The following NETO1 variants were observed in gnomAD, a reference collection of about 807,000 sequenced individuals.
NETO1 encodes the protein neuropilin and tolloid-like protein 1.
NETO1 carries 26 observed loss-of-function variants against 61.3 expected under a neutral mutation model. That is an observed-to-expected ratio of 0.42 (90% confidence interval 0.31 to 0.59). The LOEUF (loss-of-function observed/expected upper bound fraction) is 0.59, where lower values mean the gene tolerates loss of function less well. Ranked by LOEUF, NETO1 falls within the 20% of genes least tolerant of loss-of-function variation. The probability of loss-of-function intolerance (pLI) is 0.12; values close to 1 mark genes in which losing one functional copy is unlikely to be tolerated. For missense variants in NETO1, 531 were observed against 662.8 expected (o/e 0.80, Z 2.18); for synonymous variants, 225 against 225.8 (o/e 1.00, Z 0.03).
At chr18:72,828,321 A>G (rs2073453581) in intron 4 of NETO1, among the ~76,000 whole-genome samples, 2 of 152,194 alleles carry the variant, frequency 1.3e-5, no homozygotes, top group South Asian at 2.1e-4. Flanking sequence ...AAGAAAAAAA[A>G]AAAGCAAATC....
chr18:72,810,418 T>C (rs1209350348), intron 4 of NETO1, among the ~76,000 whole-genome samples: 3 of 152,180 alleles, frequency 2.0e-5, no homozygotes, highest in African/African-American at 7.2e-5. Context: ...AGAATGATTA[T>C]TCCTGGACCT....
chr18:72,772,767 A>C (rs1189947375), intron 7 of NETO1, among the ~76,000 whole-genome samples: 2 of 141,494 alleles, frequency 1.4e-5, no homozygotes, highest in African/African-American at 2.6e-5. Flanking sequence ...ATCTATATAT[A>C]TATATATATA....
intron 4 of NETO1, among the ~76,000 whole-genome samples, chr18:72,798,307 T>C (rs1053042789): frequency 8.5e-5 from 13 of 152,128 alleles, no homozygotes; most frequent in African/African-American, 3.1e-4. Flanking sequence ...GGGTGCACGC[T>C]CCTTATGAGA....
chr18:72,862,463 C>T (rs2074602271), intron 3 of NETO1, among the ~76,000 whole-genome samples: 1 of 152,134 alleles, frequency 6.6e-6, no homozygotes. Context: ...AAACTAAACA[C>T]ATTATTTTTC....
chr18:72,819,275 T>G lies in NETO1; in HGVS notation c.470-24871A>C, dbSNP rs572424401. ...GGGAGTGCTGCCACCTATGTAATTA[T>G]TCAGGAAAACTGTACCACATTTCAT... On this transcript the variant is annotated intron_variant, in intron 4 of 10. Coordinates refer to ENST00000327305, the MANE Select transcript of NETO1 (RefSeq NM_138966.5). Among the ~76,000 whole-genome samples the G allele has an allele frequency of 3.3e-5, 5 of 152,310 alleles. 1 individual carries two copies. The highest frequency in any genetic ancestry group is 1.2e-4 in the African/African-American group (5 of 41,562).
At chr18:72,801,437 G>C (rs2072503776) in intron 4 of NETO1, among the ~76,000 whole-genome samples, 1 of 152,120 alleles carries the variant, frequency 6.6e-6, no homozygotes, top group Non-Finnish European at 1.5e-5. Flanking sequence ...ATACGGAAGA[G>C]TTTTCCAGAT....
chr18:72,772,825 C>CTCTCTCTCTCTCTA (rs1568187563), intron 7 of NETO1, among the ~76,000 whole-genome samples: 2 of 40,866 alleles, frequency 4.9e-5, no homozygotes, highest in African/African-American at 1.1e-4. Flanking sequence ...CTCTCTCTCT[C>CTCTCTCTCTCTCTA]TATATATATA....
intron 1 of NETO1, among the ~76,000 whole-genome samples, chr18:72,866,365 C>T (rs1394635767): frequency 6.6e-6 from 1 of 152,094 alleles, no homozygotes; most frequent in Non-Finnish European, 1.5e-5. Flanking sequence ...TATGCTCTAG[C>T]CAGTTCATTT....
chr18:72,787,251 G>A (rs1224406595), intron 6 of NETO1, among the ~76,000 whole-genome samples: 1 of 151,204 alleles, frequency 6.6e-6, no homozygotes, highest in Admixed American at 6.6e-5. Flanking sequence ...CAAAAAAGAT[G>A]CAATTATAAT....
At chr18:72,749,181 G>C (rs944512312) in intron 9 of NETO1, 93 bp from the exon 10 acceptor site, 1 of 793,538 alleles carries the variant, frequency 1.3e-6, no homozygotes, top group African/African-American at 1.7e-5. Context: ...TTAAAATTCA[G>C]AAAACTGTGG....
intron 7 of NETO1, among the ~76,000 whole-genome samples, chr18:72,758,856 A>C (rs1036143593): frequency 5.9e-5 from 9 of 152,092 alleles, no homozygotes; most frequent in Non-Finnish European, 1.3e-4. Context: ...CAAACAAACA[A>C]AAACAAACAA....
chr18:72,749,977 T>A, intron 9 of NETO1, 85 bp downstream of exon 9: 1 of 1,077,458 alleles, frequency 9.3e-7, no homozygotes, highest in Non-Finnish European at 1.3e-6. Context: ...GAAACTGAAA[T>A]ATGAAGACAA....
intron 4 of NETO1, among the ~76,000 whole-genome samples, chr18:72,800,430 A>T (rs1169590304): frequency 6.6e-6 from 1 of 152,122 alleles, no homozygotes; most frequent in Admixed American, 6.6e-5. Flanking sequence ...CCGAAATGAG[A>T]TCAGAGAGTA....
In NETO1 at chr18:72,867,343, G is replaced by A. The variant is rs772825672; in HGVS notation, c.-52C>T. ...GGCTCCACTAATTCCATTTAGAGAC[G>A]GGAAGACTTCCAGTGGCGGGGGGAG... On this transcript the variant is annotated 5_prime_UTR_variant, in exon 1 of 11. Coordinates refer to ENST00000327305, the MANE Select transcript of NETO1 (RefSeq NM_138966.5). 1 of 1,510,324 alleles carries A rather than the reference G, an allele frequency of 6.6e-7. No homozygotes were observed. Among genetic ancestry groups the A allele is most frequent in the Non-Finnish European group, 8.9e-7 (1 of 1,118,482 alleles). The allele number at this position is 1,510,324 out of a possible 1,614,324, so 93.6% of individuals were successfully genotyped here.
intron 7 of NETO1, among the ~76,000 whole-genome samples, chr18:72,780,144 T>G (rs1255536160): frequency 6.6e-6 from 1 of 152,152 alleles, no homozygotes; most frequent in East Asian, 1.9e-4. Flanking sequence ...CCAACATGGG[T>G]GGTAACATGA....
intron 4 of NETO1, among the ~76,000 whole-genome samples, chr18:72,836,230 C>G (rs1019013108): frequency 2.0e-5 from 3 of 152,132 alleles, no homozygotes; most frequent in Non-Finnish European, 4.4e-5. Context: ...GGTGCTCCCC[C>G]TTTCTCTGCC....
Position 72,750,352 on chromosome 18 carries a change from G to A in NETO1, c.1251C>T (p.Tyr417=). 6.2e-7 allele frequency: 1 copy of A among 1,614,056 alleles called. No individual in the cohort carries two copies. Among genetic ancestry groups the A allele is most frequent in the Non-Finnish European group, 8.5e-7 (1 of 1,180,008 alleles). ...FADVADDFEN[Y]HKLRRSSSKC... is the part of the protein sequence containing the mutation. ...TGGAAGATGACCTCCGCAGTTTATG[G>A]TAATTTTCAAAGTCATCTGCCACAT... is the stretch of plus-strand genomic sequence containing the variant. Residue 417 remains tyrosine (Y), a synonymous_variant, in exon 9 of 11, where the codon TAC becomes TAT. Coordinates refer to ENST00000327305, the MANE Select transcript of NETO1 (RefSeq NM_138966.5).
At chr18:72,806,175 C>G (rs2072669163) in intron 4 of NETO1, among the ~76,000 whole-genome samples, 1 of 152,128 alleles carries the variant, frequency 6.6e-6, no homozygotes, top group Non-Finnish European at 1.5e-5. Context: ...TGGGTTCAAG[C>G]AAGTTGATCA....
chr18:72,798,202 C>G (rs2072384149), intron 4 of NETO1, among the ~76,000 whole-genome samples: 1 of 152,190 alleles, frequency 6.6e-6, no homozygotes, highest in Non-Finnish European at 1.5e-5. Flanking sequence ...TGGCTCACAT[C>G]ACCACCTGAG....
Sources: allele counts gnomAD v4.1 joint callset (sites outside exome capture counted in the v4.1 genomes callset), GRCh38; gene constraint gnomAD v4.1.1; transcripts MANE v1.5; gene names NCBI Gene and HGNC (gene_info 2026-07-23, HGNC 2026-07-21).